COX20: variants seen among roughly 807,000 people sequenced by gnomAD.
The protein encoded by COX20 is cytochrome c oxidase assembly factor COX20, also known as cytochrome c oxidase assembly protein COX20, mitochondrial.
Under a neutral mutation model 14.3 loss-of-function variants are expected in COX20, and 14 were observed. The observed-to-expected ratio is 0.98, with a 90% CI of 0.65 to 1.53. The LOEUF (loss-of-function observed/expected upper bound fraction) is 1.53. Among genes scored for constraint, COX20 ranks in the 40% most tolerant of loss-of-function variants. COX20 has a pLI of 0.00. For missense variants in COX20, 149 were observed against 142.1 expected (o/e 1.05, Z -0.25); for synonymous variants, 56 against 51.7 (o/e 1.08, Z -0.36).
chr1:244,835,597 CG>C, upstream of COX20: 1 of 734,866 alleles, frequency 1.4e-6, no homozygotes, highest in Non-Finnish European at 1.9e-6. Flanking sequence ...GCCGGCGCGT[CG>C]GAACAGGGCG....
In COX20 at chr1:244,843,045, C is replaced by T. The variant is rs863223946; in HGVS notation, c.226C>T (p.His76Tyr). Residue 76 changes from histidine (H) to tyrosine (Y), a missense_variant, in exon 4 of 4, where the codon CAT becomes TAT. Coordinates refer to ENST00000411948, the MANE Select transcript of COX20 (RefSeq NM_198076.6). ...TTCATATTCTTTTCTTCTAAGGTTT[C>T]ATTGTAGGTATAATTATGCAAAGCA... The part of the protein sequence containing the change: ...FILVTLGCWF[H>Y]CRYNYAKQRI... 1.3e-6 allele frequency: 2 copies of T among 1,548,780 alleles called. No individual in the cohort carries two copies. The highest frequency in any genetic ancestry group is 1.7e-6 in the Non-Finnish European group (2 of 1,150,002).
chr1:244,843,074 A>G lies in COX20; in HGVS notation c.255A>G (p.Arg85=). Reference sequence around the variant, plus strand: ...GTAGGTATAATTATGCAAAGCAAAGAATCCAGGAAAGAATTGCCAGAGAAG... The same window carrying G: ...GTAGGTATAATTATGCAAAGCAAAGGATCCAGGAAAGAATTGCCAGAGAAG... ...FHCRYNYAKQ[R]IQERIAREEI... is the part of the protein sequence containing the mutation. Residue 85 remains arginine (R), a synonymous_variant, in exon 4 of 4, where the codon AGA becomes AGG. Transcript: ENST00000411948. 6.3e-7 allele frequency: 1 copy of G among 1,591,276 alleles called. No homozygotes were observed. The highest frequency in any genetic ancestry group is 8.5e-7 in the Non-Finnish European group (1 of 1,171,160).
At chr1:244,837,982 TGATA>T (rs943467444) in intron 1 of COX20, among the ~76,000 whole-genome samples, 13 of 152,302 alleles carry the variant, frequency 8.5e-5, no homozygotes, top group Admixed American at 2.0e-4. Context: ...AAGGTACTGT[TGATA>T]GATGGTAATT....
intron 1 of COX20, chr1:244,839,848 C>T (rs2102972497): frequency 6.6e-6 from 1 of 152,324 alleles, no homozygotes; most frequent in South Asian, 2.1e-4. Context: ...GTGAAACTGA[C>T]TTCTGCCTCC....
intron 1 of COX20, among the ~76,000 whole-genome samples, chr1:244,838,776 GGGT>G (rs774708847): frequency 1.0e-3 from 158 of 151,808 alleles, no homozygotes; most frequent in Non-Finnish European, 9.4e-4. Flanking sequence ...GAGAGGAGAG[GGGT>G]GTATAGAGGA....
chr1:244,838,347 A>AG (rs1348604901), intron 1 of COX20, among the ~76,000 whole-genome samples: 1 of 152,070 alleles, frequency 6.6e-6, no homozygotes, highest in Non-Finnish European at 1.5e-5. Context: ...AGCTTGGGAG[A>AG]GATTAGGGTT....
intron 1 of COX20, among the ~76,000 whole-genome samples, chr1:244,839,017 C>T (rs942579513): frequency 2.0e-5 from 3 of 152,120 alleles, no homozygotes; most frequent in African/African-American, 7.2e-5. Flanking sequence ...CTCGAACTTC[C>T]GACCTCAAGT....
intron 1 of COX20, among the ~76,000 whole-genome samples, chr1:244,838,928 T>C (rs534586702): frequency 1.3e-5 from 2 of 152,162 alleles, no homozygotes; most frequent in Non-Finnish European, 2.9e-5. Flanking sequence ...TAGCTGGGAT[T>C]ACAGGCATGT....
At chr1:244,835,835 A>G (rs1679960239) in intron 1 of COX20, 79 bp downstream of exon 1, 1 of 1,068,702 alleles carries the variant, frequency 9.4e-7, no homozygotes. Flanking sequence ...CTAGGCCCGG[A>G]GCACGTGTCA....
At chr1:244,835,335 T>G, upstream of COX20, 5 of 183,494 alleles carry the variant, frequency 2.7e-5, no homozygotes, top group Non-Finnish European at 4.5e-5. Context: ...CCGGAGACGG[T>G]TAGAAATGGC....
chr1:244,844,680 C>G lies in COX20; in HGVS notation c.*1504C>G, dbSNP rs1477554973. The G allele has an allele frequency of 6.6e-6, 1 of 152,022 alleles. No individual in the cohort carries two copies. The highest frequency in any genetic ancestry group is 1.5e-5 in the Non-Finnish European group (1 of 68,092). The allele number at this position is 152,022 out of a possible 1,614,324, so 9.4% of individuals were successfully genotyped here. A position where few individuals can be genotyped will look rare whatever the true frequency, so the allele number is the denominator to read the frequency against. On this transcript the variant is annotated 3_prime_UTR_variant, in exon 4 of 4. Transcript: ENST00000411948. ...GGCTGAGGCAGGAGAATCACTTGAA[C>G]CCGAGGTGGGGCAGGCGGAGGTTGC... is the stretch of plus-strand genomic sequence containing the variant.
rs775901983 is a variant in COX20 at position 244,843,160 on chromosome 1, G to C, written c.341G>C (p.Gly114Ala). Residue 114 changes from glycine to alanine, a missense_variant, in exon 4 of 4, where the codon GGC becomes GCC. Gly to Ala is a moderately conservative substitution (Grantham distance 60). Transcript: ENST00000411948. The part of the protein sequence containing the change: ...THLDPERKHN[G>A]SSSN ...CTCGATCCTGAAAGAAAACACAACG[G>C]CAGCAGCAGCAATTGAACAATCTTG... 2.5e-6 allele frequency: 4 copies of C among 1,587,526 alleles called. No homozygotes were observed. The African/African-American group carries it at 5.6e-5, about 22-fold the overall frequency.
intron 3 of COX20, chr1:244,842,835 CCTTT>C: frequency 4.9e-6 from 2 of 404,520 alleles, no homozygotes; most frequent in Non-Finnish European, 8.9e-6. Context: ...ATGTAGACAT[CCTTT>C]TTTTCCTAAT....
chr1:244,840,535 C>G (rs188633514), intron 1 of COX20: 7 of 152,292 alleles, frequency 4.6e-5, no homozygotes, highest in Admixed American at 1.3e-4. Context: ...CCCCCAACCT[C>G]TTGGTAATGT....
At chr1:244,836,853 A>G (rs1680005185) in intron 1 of COX20, among the ~76,000 whole-genome samples, 1 of 152,188 alleles carries the variant, frequency 6.6e-6, no homozygotes, top group Non-Finnish European at 1.5e-5. Context: ...CAAATATTGT[A>G]TAAATTGTTT....
At position 244,835,660 on chromosome 1, in the gene COX20, T is replaced by TAG. The variant is rs1342248014; in HGVS notation, c.-55_-54insAG. 4.1e-4 allele frequency: 500 copies of TAG among 1,228,238 alleles called. 2 individuals carry two copies. The Middle Eastern group carries it at 0.01, about 25-fold the overall frequency. 76.1% of individuals were successfully genotyped at this position (1,228,238 alleles called of 1,614,324 possible). ...CGGGGAGGGGCGCGGCCAGCCGGGC[T>TAG]TCTGCTTCCGCGACCCCGGCGGTGC... is the stretch of plus-strand genomic sequence containing the variant. On this transcript the variant is annotated 5_prime_UTR_variant, in exon 1 of 4. Transcript: ENST00000411948.
At chr1:244,842,655 C>T (rs1035648907) in intron 3 of COX20, 7 of 233,452 alleles carry the variant, frequency 3.0e-5, no homozygotes, top group South Asian at 2.2e-4. Context: ...CTATATGGTT[C>T]CATTTATACA....
chr1:244,835,644 G>T (rs1479020995), upstream of COX20: 494 of 1,172,862 alleles, frequency 4.2e-4, 2 homozygotes, highest in Middle Eastern at 0.011. Flanking sequence ...ACGGGGAGGG[G>T]CGCGGCCAGC....
rs12095737 is a variant in COX20, at chr1:244,842,411, A to C, written c.221+153A>C. 0.13 allele frequency: 87,463 copies of C among 657,186 alleles called. 6,613 individuals carry two copies. The highest frequency in any genetic ancestry group is 0.29 in the Middle Eastern group (716 of 2,430). 40.7% of individuals were successfully genotyped at this position (657,186 alleles called of 1,614,324 possible). A position where few individuals can be genotyped will look rare whatever the true frequency, so the allele number is the denominator to read the frequency against. On this transcript the variant is annotated intron_variant, in intron 3 of 3. Coordinates refer to ENST00000411948, the MANE Select transcript of COX20 (RefSeq NM_198076.6). ...CAGGACATTTTCATGGAAATCTTAAAATGCTTGAACAGATAAATGCATATT... is the reference window on the plus strand; with the variant it reads ...CAGGACATTTTCATGGAAATCTTAACATGCTTGAACAGATAAATGCATATT...
Sources: allele counts gnomAD v4.1 joint callset (sites outside exome capture counted in the v4.1 genomes callset), GRCh38; gene constraint gnomAD v4.1.1; transcripts MANE v1.5; gene names NCBI Gene and HGNC (gene_info 2026-07-23, HGNC 2026-07-21).